The following FKBP5 variants were observed in gnomAD, a reference collection of about 807,000 sequenced individuals.
The protein encoded by FKBP5 is FKBP prolyl isomerase 5.
FKBP5 carries 23 observed loss-of-function variants against 50.5 expected under a neutral mutation model. The observed-to-expected ratio is 0.46, with a 90% CI of 0.33 to 0.65. FKBP5 has a LOEUF of 0.65. Among genes scored for constraint, FKBP5 ranks in the 30% least tolerant of loss-of-function variants. FKBP5 has a pLI of 0.02. For synonymous variants in FKBP5, 176 were observed against 190.6 expected (o/e 0.92, Z 0.63); for missense variants, 411 against 553.1 (o/e 0.74, Z 2.58).
chr6:35,613,329 C>A (rs1424543120), intron 5 of FKBP5, among the ~76,000 whole-genome samples: 1 of 152,120 alleles, frequency 6.6e-6, no homozygotes, highest in Admixed American at 6.5e-5. Context: ...ATTCTCCTGC[C>A]TCACCCTCCC....
chr6:35,652,709 G>A (rs992146211), intron 1 of FKBP5, among the ~76,000 whole-genome samples: 2 of 152,084 alleles, frequency 1.3e-5, no homozygotes, highest in Non-Finnish European at 2.9e-5. Flanking sequence ...CTGTCCTGTG[G>A]TCCTGTGATC....
At chr6:35,703,642 T>C (rs1464727917) in intron 2 of FKBP5, among the ~76,000 whole-genome samples, 1 of 152,234 alleles carries the variant, frequency 6.6e-6, no homozygotes, top group African/African-American at 2.4e-5. Flanking sequence ...GGCCTTTCTA[T>C]ACTTGGGGAA....
At chr6:35,717,600 C>T (rs1419058323) in intron 2 of FKBP5, among the ~76,000 whole-genome samples, 3 of 152,116 alleles carry the variant, frequency 2.0e-5, no homozygotes, top group Non-Finnish European at 4.4e-5. Flanking sequence ...GCTGTGGGAG[C>T]GTGGGGGACA....
In FKBP5 at chr6:35,641,172, G is replaced by A. The variant is rs368105859; in HGVS notation, c.105+1548C>T. The stretch of plus-strand genomic sequence containing the variant: ...TTTTTTAATTTTTTTTCTACAGATA[G>A]GGGTCTTACTATGTTGCCCAGGCTG... On this transcript the variant is annotated intron_variant, in intron 2 of 10. Transcript: ENST00000357266. 1.3e-5 allele frequency among the ~76,000 whole-genome samples: 2 copies of A among 152,090 alleles called. 1 individual carries two copies. Among genetic ancestry groups the A allele is most frequent in the East Asian group, 3.9e-4 (2 of 5,182 alleles).
At chr6:35,706,293 G>A (rs1385307129) in intron 2 of FKBP5, among the ~76,000 whole-genome samples, 1 of 150,966 alleles carries the variant, frequency 6.6e-6, no homozygotes, top group Non-Finnish European at 1.5e-5. Context: ...GCATGGTGGC[G>A]CATGCCTGTA....
chr6:35,682,455 G>T (rs917930404), intron 1 of FKBP5, among the ~76,000 whole-genome samples: 42 of 152,218 alleles, frequency 2.8e-4, no homozygotes, highest in African/African-American at 9.9e-4. Context: ...AGTTTCCAGA[G>T]ATAGGAACAC....
chr6:35,577,701 G>A (rs1251513093), intron 9 of FKBP5, among the ~76,000 whole-genome samples: 3 of 152,212 alleles, frequency 2.0e-5, no homozygotes. Flanking sequence ...GTGGTAATGT[G>A]AATCAGTGGA....
At position 35,586,648 on chromosome 6, in the gene FKBP5, C is replaced by T. The variant is rs369811718; in HGVS notation, c.840+386G>A. On this transcript the variant is annotated intron_variant, in intron 8 of 10. Transcript: ENST00000357266. ...AGAAAGAAAAATGATGTGAAACTTA[C>T]CCTTATGAATTCCATTCTTTGCTAA... The T allele has an allele frequency of 3.5e-5, 35 of 1,013,398 alleles. No individual in the cohort carries two copies. In the East Asian group the frequency reaches 9.2e-4, roughly 27 times the overall value. 62.8% of individuals were successfully genotyped at this position (1,013,398 alleles called of 1,614,324 possible).
Position 35,723,434 on chromosome 6 carries a change from C to T in FKBP5, c.-240-2886G>A, listed in dbSNP as rs1009280904. On this transcript the variant is annotated intron_variant, in intron 1 of 11. Transcript: ENST00000536438. Reference sequence around the variant, plus strand: ...GCTTGGGGCAAGGTGAGGCATAGGGCGTGGAGGTAGGAACAAATGGAAGAT... The same window carrying T: ...GCTTGGGGCAAGGTGAGGCATAGGGTGTGGAGGTAGGAACAAATGGAAGAT... 6.6e-5 allele frequency among the ~76,000 whole-genome samples: 10 copies of T among 151,714 alleles called. No individual in the cohort carries two copies. In the East Asian group the frequency reaches 9.7e-4, roughly 15 times the overall value.
chr6:35,726,728 G>A (rs765574488), intron 1 of FKBP5, among the ~76,000 whole-genome samples: 1 of 152,118 alleles, frequency 6.6e-6, no homozygotes, highest in African/African-American at 2.4e-5. Flanking sequence ...AACATCCAGC[G>A]TGTTTGTCTC....
chr6:35,722,137 C>CA (rs1373948698), intron 1 of FKBP5, among the ~76,000 whole-genome samples: 3 of 152,122 alleles, frequency 2.0e-5, no homozygotes, highest in African/African-American at 7.2e-5. Context: ...TTCTTCTTTG[C>CA]ACATATTGTG....
chr6:35,615,314 C>T lies in FKBP5; in HGVS notation c.508+3782G>A, dbSNP rs979953107. Among the ~76,000 whole-genome samples, 3 of 152,098 alleles carry T rather than the reference C, an allele frequency of 2.0e-5. No homozygotes were observed. The East Asian group carries it at 5.8e-4, about 29-fold the overall frequency. On this transcript the variant is annotated intron_variant, in intron 5 of 10. Coordinates refer to ENST00000357266, the MANE Select transcript of FKBP5 (RefSeq NM_004117.4). Reference sequence around the variant, plus strand: ...CCATAGCAGGAGCAAACCTAGCACTCAGATCTTGGTTTCTAAATGCCTTTC... The same window carrying T: ...CCATAGCAGGAGCAAACCTAGCACTTAGATCTTGGTTTCTAAATGCCTTTC...
chr6:35,583,929 G>T, intron 8 of FKBP5: 1 of 985,398 alleles, frequency 1.0e-6, no homozygotes. Context: ...TATCTGAAGA[G>T]TTTAGAGGTT....
chr6:35,657,927 C>T (rs970250573), intron 1 of FKBP5, among the ~76,000 whole-genome samples: 1 of 152,010 alleles, frequency 6.6e-6, no homozygotes, highest in African/African-American at 2.4e-5. Context: ...TCTGGTTTCT[C>T]AATTTTGTAA....
chr6:35,641,213 C>A (rs1281769208), intron 2 of FKBP5, among the ~76,000 whole-genome samples: 1 of 152,076 alleles, frequency 6.6e-6, no homozygotes, highest in Non-Finnish European at 1.5e-5. Flanking sequence ...GAACTCCTGG[C>A]CTCAAGTGAT....
intron 3 of FKBP5, among the ~76,000 whole-genome samples, chr6:35,629,804 C>T (rs1764099936): frequency 6.6e-6 from 1 of 152,202 alleles, no homozygotes. Flanking sequence ...AGCATTCCTC[C>T]TCTATCGCAA....
chr6:35,661,122 C>T (rs1201673273), intron 1 of FKBP5, among the ~76,000 whole-genome samples: 2 of 82,830 alleles, frequency 2.4e-5, no homozygotes, highest in African/African-American at 7.5e-5. Flanking sequence ...GAATTATATA[C>T]TTTATTTTAT....
intron 1 of FKBP5, among the ~76,000 whole-genome samples, chr6:35,663,426 A>T (rs1765125709): frequency 6.6e-6 from 1 of 152,240 alleles, no homozygotes; most frequent in Non-Finnish European, 1.5e-5. Context: ...AGGCATTTTT[A>T]AGAAAAGAAA....
chr6:35,687,199 G>A (rs79086308), intron 1 of FKBP5, among the ~76,000 whole-genome samples: 2,872 of 152,198 alleles, frequency 0.019, 245 homozygotes, highest in East Asian at 0.14. Flanking sequence ...AGACACATTA[G>A]AAGAAAAAAA....
Sources: gnomAD v4.1 joint callset for allele counts (sites outside exome capture counted in the v4.1 genomes callset) on GRCh38, gnomAD v4.1.1 for gene constraint, MANE v1.5 for transcripts, NCBI Gene and HGNC (gene_info 2026-07-23, HGNC 2026-07-21) for gene names.